GRM5: variants seen among roughly 807,000 people sequenced by gnomAD.
GRM5 encodes the protein metabotropic glutamate receptor 5.
In GRM5, 19 loss-of-function variants were observed where a neutral mutation model predicts 83.1. The observed-to-expected ratio is 0.23, with a 90% CI of 0.16 to 0.34. The LOEUF is 0.34. GRM5 is among the 10% of genes least tolerant of loss of function. GRM5 has a pLI of 1.00. For synonymous variants in GRM5, 675 were observed against 633.6 expected (o/e 1.07, Z -0.98); for missense variants, 1,160 against 1,588.3 (o/e 0.73, Z 4.58).
intron 6 of GRM5, among the ~76,000 whole-genome samples, chr11:88,596,975 A>C (rs1182996246): frequency 1.3e-5 from 2 of 152,138 alleles, no homozygotes; most frequent in African/African-American, 4.8e-5. Flanking sequence ...GTGGGCAAAC[A>C]TGACTCATCA....
intron 3 of GRM5, among the ~76,000 whole-genome samples, chr11:88,831,964 C>A (rs575531909): frequency 1.3e-5 from 2 of 152,284 alleles, no homozygotes; most frequent in East Asian, 3.9e-4. Context: ...GACCCAGGCA[C>A]ATTTAGCCTG....
At chr11:88,880,709 C>T (rs937532849) in intron 2 of GRM5, among the ~76,000 whole-genome samples, 13 of 152,074 alleles carry the variant, frequency 8.5e-5, no homozygotes, top group Non-Finnish European at 1.6e-4. Flanking sequence ...GTTATCCTAT[C>T]GGGAAATCTT....
chr11:88,945,151 C>T (rs1392344828), intron 2 of GRM5, among the ~76,000 whole-genome samples: 2 of 151,436 alleles, frequency 1.3e-5, no homozygotes, highest in African/African-American at 2.4e-5. Context: ...CACACACATA[C>T]ACACAAAATG....
intron 1 of GRM5, among the ~76,000 whole-genome samples, chr11:89,059,904 T>G (rs1030730384): frequency 9.9e-5 from 15 of 152,176 alleles, no homozygotes; most frequent in Non-Finnish European, 1.5e-4. Context: ...GTGCAATTTA[T>G]TCATCATATT....
intron 2 of GRM5, among the ~76,000 whole-genome samples, chr11:88,948,003 C>T (rs1386157544): frequency 1.3e-5 from 2 of 151,922 alleles, no homozygotes; most frequent in African/African-American, 4.8e-5. Flanking sequence ...CATGGAAATG[C>T]CTGAGAGGTG....
chr11:88,769,332 T>A (rs3929416), intron 3 of GRM5, among the ~76,000 whole-genome samples: 97,160 of 151,874 alleles, frequency 0.64, 31,865 homozygotes, highest in Non-Finnish European at 0.73. Flanking sequence ...ATTTATGGAC[T>A]TGTGTATATA....
At chr11:88,958,308 A>G (rs1278737965) in intron 2 of GRM5, among the ~76,000 whole-genome samples, 1 of 150,848 alleles carries the variant, frequency 6.6e-6, no homozygotes, top group Non-Finnish European at 1.5e-5. Flanking sequence ...TATCCTGTTC[A>G]CCTCTCAGAT....
At chr11:89,034,394 A>T (rs951529121) in intron 2 of GRM5, among the ~76,000 whole-genome samples, 1 of 151,940 alleles carries the variant, frequency 6.6e-6, no homozygotes, top group Non-Finnish European at 1.5e-5. Context: ...TTTTACTTCA[A>T]CCAAAGCTAT....
At chr11:88,792,734 G>A (rs377537570) in intron 3 of GRM5, among the ~76,000 whole-genome samples, 45 of 152,026 alleles carry the variant, frequency 3.0e-4, no homozygotes, top group African/African-American at 9.4e-4. Context: ...TATAAGACAT[G>A]GTTCTGAGGT....
At chr11:88,645,392 G>A (rs1198573169) in intron 4 of GRM5, among the ~76,000 whole-genome samples, 1 of 152,090 alleles carries the variant, frequency 6.6e-6, no homozygotes, top group East Asian at 1.9e-4. Context: ...GTCTTGAAGT[G>A]GACTTTTCAC....
chr11:88,909,490 T>C (rs959320453), intron 2 of GRM5, among the ~76,000 whole-genome samples: 2 of 149,032 alleles, frequency 1.3e-5, no homozygotes, highest in African/African-American at 5.0e-5. Flanking sequence ...TCACTCTGAA[T>C]CTCATGCTTC....
chr11:88,536,574 T>C (rs927508236), intron 8 of GRM5, among the ~76,000 whole-genome samples: 4 of 152,216 alleles, frequency 2.6e-5, no homozygotes, highest in Non-Finnish European at 5.9e-5. Context: ...CAAAGCTTTA[T>C]AACAGCTTTG....
At position 88,867,070 on chromosome 11, in the gene GRM5, T is replaced by C. The variant is rs554737705; in HGVS notation, c.662-16915A>G. 2.0e-5 allele frequency among the ~76,000 whole-genome samples: 3 copies of C among 152,262 alleles called. No homozygotes were observed. In the South Asian group the frequency reaches 6.2e-4, roughly 32 times the overall value. On this transcript the variant is annotated intron_variant, in intron 2 of 9. Coordinates refer to ENST00000305447, the MANE Select transcript of GRM5 (RefSeq NM_001143831.3). Reference sequence around the variant, plus strand: ...ATTCTGTTCCACTGGTCTATATATTTGTTTTGATATGAGTACCACGCTGTT... The same window carrying C: ...ATTCTGTTCCACTGGTCTATATATTCGTTTTGATATGAGTACCACGCTGTT...
intron 3 of GRM5, among the ~76,000 whole-genome samples, chr11:88,697,562 T>C (rs1591447543): frequency 1.3e-5 from 2 of 152,320 alleles, no homozygotes; most frequent in Middle Eastern, 6.8e-3. Context: ...GTACACATTA[T>C]AAAGATTTAG....
intron 2 of GRM5, among the ~76,000 whole-genome samples, chr11:88,876,427 G>A (rs1944854639): frequency 6.6e-6 from 1 of 152,082 alleles, no homozygotes; most frequent in African/African-American, 2.4e-5. Context: ...CTCTGTATCT[G>A]CAATAAGGCT....
chr11:88,857,156 T>C (rs896711708), intron 2 of GRM5, among the ~76,000 whole-genome samples: 2 of 152,056 alleles, frequency 1.3e-5, no homozygotes, highest in Admixed American at 6.6e-5. Flanking sequence ...GTGTAACTAT[T>C]TAGTATTTTA....
rs188925082 is a variant in GRM5, at chr11:88,878,349, G to A, written c.662-28194C>T. ...AACAACTCTTTATTCACATAGAGAG[G>A]AAACAGAGAAAAATTCATTCTGAGA... On this transcript the variant is annotated intron_variant, in intron 2 of 9. Coordinates refer to ENST00000305447, the MANE Select transcript of GRM5 (RefSeq NM_001143831.3). Among the ~76,000 whole-genome samples the A allele has an allele frequency of 9.6e-4, 146 of 152,184 alleles. 1 individual carries two copies. The highest frequency in any genetic ancestry group is 1.6e-3 in the Non-Finnish European group (110 of 68,004).
At chr11:88,514,113 A>G (rs1941459261) in intron 9 of GRM5, among the ~76,000 whole-genome samples, 1 of 152,134 alleles carries the variant, frequency 6.6e-6, no homozygotes, top group African/African-American at 2.4e-5. Flanking sequence ...ATGATCTGCC[A>G]CATCTGAGGA....
intron 2 of GRM5, among the ~76,000 whole-genome samples, chr11:88,926,612 T>C (rs1945793332): frequency 6.6e-6 from 1 of 152,208 alleles, no homozygotes; most frequent in Admixed American, 6.6e-5. Flanking sequence ...AGCTAGAATT[T>C]TCACCTGTAT....
Sources: gnomAD v4.1 joint callset for allele counts (sites outside exome capture counted in the v4.1 genomes callset) on GRCh38, gnomAD v4.1.1 for gene constraint, MANE v1.5 for transcripts, NCBI Gene and HGNC (gene_info 2026-07-23, HGNC 2026-07-21) for gene names.